ILDR1: variants seen among roughly 807,000 people sequenced by gnomAD.
ILDR1 encodes immunoglobulin like domain containing receptor 1.
ILDR1 carries 56 observed loss-of-function variants against 62.4 expected under a neutral mutation model. The ratio of observed to expected loss-of-function variants is 0.90; its 90% confidence interval spans 0.72 to 1.12. ILDR1 has a LOEUF of 1.12. Among genes scored for constraint, ILDR1 ranks in the 50% most tolerant of loss-of-function variants. ILDR1 has a pLI of 0.00. For synonymous variants in ILDR1, 284 were observed against 277.8 expected (o/e 1.02, Z -0.22); for missense variants, 736 against 710.6 (o/e 1.04, Z -0.41).
chr3:121,995,284 C>T (rs1040356751), intron 5 of ILDR1, among the ~76,000 whole-genome samples: 1 of 152,284 alleles, frequency 6.6e-6, no homozygotes, highest in East Asian at 1.9e-4. Context: ...GAAGTGCCAG[C>T]CTCAGTGTGA....
intron 2 of ILDR1, among the ~76,000 whole-genome samples, chr3:122,006,188 T>C (rs1024385062): frequency 2.0e-5 from 3 of 152,160 alleles, no homozygotes; most frequent in Non-Finnish European, 2.9e-5. Context: ...CTCAAAAAGG[T>C]GAAGACTAAT....
the ILDR1 span, among the ~76,000 whole-genome samples, chr3:122,039,900 G>T: frequency 1.3e-5 from 2 of 151,924 alleles, no homozygotes; most frequent in African/African-American, 4.8e-5. Flanking sequence ...AAAAGACTCA[G>T]TTAAAGAGAG....
rs764872186 is a variant in ILDR1 at position 122,001,757 on chromosome 3, G to T, written c.487C>A (p.Leu163Ile). ...TSGDPDKEVK[L>I]IVLHWLTVIF... ...CAGTAGCACTTACGTAGGACGATGA[G>T]CTTTACTTCCTTATCGGGGTCTCCT... is the stretch of plus-strand genomic sequence containing the variant. The change falls in exon 4 of 8, where the codon CTC becomes ATC. Residue 163 changes from leucine to isoleucine, a missense_variant. Transcript: ENST00000344209. 1.9e-6 allele frequency: 3 copies of T among 1,612,976 alleles called. No homozygotes were observed. The African/African-American group carries it at 4.0e-5, about 22-fold the overall frequency.
intron 5 of ILDR1, among the ~76,000 whole-genome samples, chr3:121,999,849 A>T (rs754840905): frequency 1.3e-5 from 2 of 152,090 alleles, no homozygotes; most frequent in Non-Finnish European, 2.9e-5. Flanking sequence ...TTACTAGTTT[A>T]TCTTCCCAGG....
intron 3 of ILDR1, among the ~76,000 whole-genome samples, chr3:122,002,427 C>T (rs988226805): frequency 6.6e-6 from 1 of 152,112 alleles, no homozygotes; most frequent in Non-Finnish European, 1.5e-5. Flanking sequence ...GGTCCCTTAT[C>T]AGCCTAAAAT....
intron 7 of ILDR1, among the ~76,000 whole-genome samples, chr3:121,992,857 T>G (rs554110568): frequency 3.9e-5 from 6 of 152,212 alleles, no homozygotes; most frequent in Non-Finnish European, 7.3e-5. Context: ...ATGCTGAGCC[T>G]CATTTTCTCC....
At chr3:122,023,393 T>C (rs2071893336), upstream of ILDR1, among the ~76,000 whole-genome samples, 1 of 152,178 alleles carries the variant, frequency 6.6e-6, no homozygotes, top group Non-Finnish European at 1.5e-5. Flanking sequence ...CATCACATTT[T>C]TCTTCAAGAA....
chr3:121,988,439 A>G (rs1235899031), intron 7 of ILDR1, 31 bp from the exon 8 acceptor site: 1 of 1,591,076 alleles, frequency 6.3e-7, no homozygotes, highest in East Asian at 2.2e-5. Flanking sequence ...CACACAAAAA[A>G]AATCCAGTCA....
the ILDR1 span, among the ~76,000 whole-genome samples, chr3:122,056,584 G>A: frequency 6.6e-6 from 1 of 152,044 alleles, no homozygotes; most frequent in Non-Finnish European, 1.5e-5. Context: ...TGGCCACCTC[G>A]GCCTCCCAAA....
At chr3:122,046,403 T>C in the ILDR1 span, among the ~76,000 whole-genome samples, 1 of 150,130 alleles carries the variant, frequency 6.7e-6, no homozygotes, top group Non-Finnish European at 1.5e-5. Context: ...TGTCTTGGAG[T>C]TGTTCTTCTC....
intron 7 of ILDR1, among the ~76,000 whole-genome samples, chr3:121,989,690 C>T (rs1042080073): frequency 6.6e-6 from 1 of 152,148 alleles, no homozygotes; most frequent in Non-Finnish European, 1.5e-5. Context: ...GGAGTGAAAA[C>T]GCCACCAGAC....
At chr3:122,053,282 T>C in the ILDR1 span, among the ~76,000 whole-genome samples, 5 of 152,216 alleles carry the variant, frequency 3.3e-5, no homozygotes, top group African/African-American at 1.2e-4. Context: ...TGTTCAACTC[T>C]TTTGCCTACT....
chr3:122,031,815 T>C, the ILDR1 span, among the ~76,000 whole-genome samples: 3 of 152,206 alleles, frequency 2.0e-5, no homozygotes, highest in Non-Finnish European at 4.4e-5. Flanking sequence ...CAGTCTATAG[T>C]AGTTTTTTAT....
At chr3:122,047,719 C>A in the ILDR1 span, among the ~76,000 whole-genome samples, 1 of 152,252 alleles carries the variant, frequency 6.6e-6, no homozygotes, top group African/African-American at 2.4e-5. Flanking sequence ...AGAAAGGGAA[C>A]TCCCTGACCC....
chr3:122,049,592 T>G, the ILDR1 span, among the ~76,000 whole-genome samples: 1 of 152,234 alleles, frequency 6.6e-6, no homozygotes, highest in Admixed American at 6.5e-5. Context: ...TTGTTATATC[T>G]TTCTGGTGAA....
the ILDR1 span, among the ~76,000 whole-genome samples, chr3:122,045,886 T>C: frequency 6.6e-6 from 1 of 151,624 alleles, no homozygotes; most frequent in Admixed American, 6.6e-5. Flanking sequence ...TGCCAGTCTG[T>C]GTCTTTTAAT....
chr3:121,988,158 A>T lies in ILDR1; in HGVS notation c.*209T>A, dbSNP rs976240063. 3.1e-5 allele frequency: 20 copies of T among 647,722 alleles called. No individual in the cohort carries two copies. The highest frequency in any genetic ancestry group is 3.5e-4 in the Middle Eastern group (1 of 2,878). 40.1% of individuals were successfully genotyped at this position (647,722 alleles called of 1,614,324 possible). ...GAACTCCTAGTCTCAAGTGATTCTTAGCCTCCCAAAGTGCTGTGATTACAG... is the reference window on the plus strand; with the variant it reads ...GAACTCCTAGTCTCAAGTGATTCTTTGCCTCCCAAAGTGCTGTGATTACAG... On this transcript the variant is annotated 3_prime_UTR_variant, in exon 8 of 8. Transcript: ENST00000344209.
the ILDR1 span, among the ~76,000 whole-genome samples, chr3:122,057,939 G>C: frequency 2.0e-5 from 3 of 152,250 alleles, no homozygotes; most frequent in African/African-American, 7.2e-5. Context: ...AAGCCAGGCT[G>C]CTGGGGTTTG....
chr3:122,052,011 G>T, the ILDR1 span, among the ~76,000 whole-genome samples: 88,082 of 151,214 alleles, frequency 0.58, 26,622 homozygotes, highest in East Asian at 0.73. Flanking sequence ...CTTTTTTTTT[G>T]ATCTTGGCAG....
Sources: allele counts gnomAD v4.1 joint callset (sites outside exome capture counted in the v4.1 genomes callset), GRCh38; gene constraint gnomAD v4.1.1; transcripts MANE v1.5; gene names NCBI Gene and HGNC (gene_info 2026-07-23, HGNC 2026-07-21).